Variants in FUT8 observed in about 807,000 individuals in gnomAD.
The protein encoded by FUT8 is fucosyltransferase 8.
Under a neutral mutation model 71.3 loss-of-function variants are expected in FUT8, and 29 were observed. That is an observed-to-expected ratio of 0.41 (90% confidence interval 0.30 to 0.55). FUT8 has a LOEUF of 0.55. FUT8 is among the 20% of genes least tolerant of loss of function. FUT8 has a pLI of 0.34. For missense variants in FUT8, 544 were observed against 702.1 expected (o/e 0.77, Z 2.55); for synonymous variants, 254 against 239.3 (o/e 1.06, Z -0.57).
intron 3 of FUT8, among the ~76,000 whole-genome samples, chr14:65,588,019 T>C (rs1887484292): frequency 6.6e-6 from 1 of 152,232 alleles, no homozygotes; most frequent in African/African-American, 2.4e-5. Context: ...TGAAGAAATT[T>C]GTTTTTAAAA....
chr14:65,378,830 CAAG>C, the FUT8 span, among the ~76,000 whole-genome samples: 2 of 116,794 alleles, frequency 1.7e-5, no homozygotes, highest in Non-Finnish European at 1.8e-5. Flanking sequence ...AAAAATTTCA[CAAG>C]AAGGTTTTTT....
At chr14:65,372,565 A>G in the FUT8 span, among the ~76,000 whole-genome samples, 7 of 151,620 alleles carry the variant, frequency 4.6e-5, no homozygotes, top group African/African-American at 1.7e-4. Flanking sequence ...ACAGGCGCCC[A>G]CCACCATGCC....
chr14:65,719,645 T>C (rs778102889), intron 7 of FUT8, among the ~76,000 whole-genome samples: 20 of 152,208 alleles, frequency 1.3e-4, no homozygotes, highest in Non-Finnish European at 2.4e-4. Flanking sequence ...GTTTTGGTCA[T>C]TGCAGCCATA....
At chr14:65,626,250 G>A (rs1371382254) in intron 5 of FUT8, among the ~76,000 whole-genome samples, 3 of 151,744 alleles carry the variant, frequency 2.0e-5, no homozygotes, top group Admixed American at 6.6e-5. Flanking sequence ...GCTACCACAT[G>A]TATTACTATT....
chr14:65,673,255 G>C (rs533286325), intron 7 of FUT8, among the ~76,000 whole-genome samples: 1 of 152,156 alleles, frequency 6.6e-6, no homozygotes, highest in Non-Finnish European at 1.5e-5. Context: ...TAGTCAAAGA[G>C]TTTTATTTGA....
chr14:65,643,857 A>G lies in FUT8; in HGVS notation c.597+14251A>G, dbSNP rs1890987100. On this transcript the variant is annotated intron_variant, in intron 6 of 10. Coordinates refer to ENST00000673929, the MANE Select transcript of FUT8 (RefSeq NM_001371533.1). This position sits in a 1 kb window ranked among gnomAD's most constrained non-coding sequence, Gnocchi z 4.5. ...TCTTTAATTTAGGTATATCAGCCCA[A>G]TATGTACTTGTTTTAAAGTTATTTC... 6.6e-6 allele frequency among the ~76,000 whole-genome samples: 1 copy of G among 152,220 alleles called. No individual in the cohort carries two copies. Among genetic ancestry groups the G allele is most frequent in the Non-Finnish European group, 1.5e-5 (1 of 68,022 alleles).
intron 1 of FUT8, among the ~76,000 whole-genome samples, chr14:65,447,291 CAAAA>C (rs999240365): frequency 3.7e-5 from 3 of 81,830 alleles, no homozygotes; most frequent in Middle Eastern, 7.5e-3. Flanking sequence ...GAGACTCTCT[CAAAA>C]AAAAAAAAAA....
At chr14:65,677,183 T>TGC (rs1426881139) in intron 7 of FUT8, among the ~76,000 whole-genome samples, 99 of 130,672 alleles carry the variant, frequency 7.6e-4, no homozygotes, top group Non-Finnish European at 1.3e-3. Context: ...CGTATGTGTG[T>TGC]GCGCATGTGT....
chr14:65,655,319 A>G (rs913499132), intron 6 of FUT8, among the ~76,000 whole-genome samples: 6 of 151,656 alleles, frequency 4.0e-5, no homozygotes, highest in Admixed American at 3.3e-4. Flanking sequence ...TAAAAATACA[A>G]AAACAAAATT....
chr14:65,488,325 C>G (rs1409862250), intron 2 of FUT8: 1 of 152,172 alleles, frequency 6.6e-6, no homozygotes, highest in Admixed American at 6.5e-5. Context: ...TGTGATGATC[C>G]TAGTAGAAGT....
chr14:65,385,980 C>T, the FUT8 span, among the ~76,000 whole-genome samples: 3 of 151,738 alleles, frequency 2.0e-5, no homozygotes, highest in South Asian at 2.1e-4. Flanking sequence ...GGTGAAACCC[C>T]GTCTCTACTA....
At position 65,574,059 on chromosome 14, in the gene FUT8, A is replaced by T. The variant is rs2041681977; in HGVS notation, c.203+12293A>T. Among the ~76,000 whole-genome samples the T allele has an allele frequency of 6.6e-6, 1 of 152,148 alleles. No homozygotes were observed. The highest frequency in any genetic ancestry group is 2.4e-5 in the African/African-American group (1 of 41,424). On this transcript the variant is annotated intron_variant, in intron 3 of 10. Coordinates refer to ENST00000673929, the MANE Select transcript of FUT8 (RefSeq NM_001371533.1). This position sits in a 1 kb window ranked among gnomAD's most constrained non-coding sequence, Gnocchi z 5.2. Reference sequence around the variant, plus strand: ...AGTTTATTTCAAGGCTCAATTAAAGAAGGATACAGTTCTAAAATCATGTGG... The same window carrying T: ...AGTTTATTTCAAGGCTCAATTAAAGTAGGATACAGTTCTAAAATCATGTGG...
At chr14:65,567,531 T>C (rs1050207037) in intron 3 of FUT8, among the ~76,000 whole-genome samples, 3 of 152,054 alleles carry the variant, frequency 2.0e-5, no homozygotes, top group Non-Finnish European at 2.9e-5. Flanking sequence ...CTATAACTCC[T>C]AGTCTCTCAT....
intron 2 of FUT8, among the ~76,000 whole-genome samples, chr14:65,474,382 C>A (rs909192911): frequency 6.9e-6 from 1 of 144,736 alleles, no homozygotes; most frequent in Non-Finnish European, 1.5e-5. Context: ...GCGGGCGGAT[C>A]ACTTGAGGTC....
At chr14:65,592,391 C>T (rs1252486159) in intron 3 of FUT8, among the ~76,000 whole-genome samples, 2 of 151,908 alleles carry the variant, frequency 1.3e-5, no homozygotes, top group African/African-American at 4.8e-5. Context: ...ATTGTGTTCT[C>T]TCAGAGAATA....
intron 7 of FUT8, among the ~76,000 whole-genome samples, chr14:65,707,292 G>A (rs530959079): frequency 6.6e-6 from 1 of 152,210 alleles, no homozygotes; most frequent in African/African-American, 2.4e-5. Context: ...TTGACCGTTA[G>A]TATCTCTTCT....
chr14:65,636,832 G>A (rs1286807288), intron 6 of FUT8, among the ~76,000 whole-genome samples: 1 of 152,164 alleles, frequency 6.6e-6, no homozygotes, highest in Non-Finnish European at 1.5e-5. Flanking sequence ...GTGGGACAAA[G>A]TTCATAGTTG....
the FUT8 span, among the ~76,000 whole-genome samples, chr14:65,394,646 T>G: frequency 1.3e-5 from 2 of 152,178 alleles, no homozygotes; most frequent in Non-Finnish European, 2.9e-5. Flanking sequence ...ATACAATAAG[T>G]TACAGGCATT....
chr14:65,448,116 A>G (rs1326637840), intron 1 of FUT8, among the ~76,000 whole-genome samples: 1 of 152,180 alleles, frequency 6.6e-6, no homozygotes, highest in African/African-American at 2.4e-5. Flanking sequence ...TTACCTAGTA[A>G]GAGATAGCTT....
Sources: gnomAD v4.1 joint callset for allele counts (sites outside exome capture counted in the v4.1 genomes callset) on GRCh38, gnomAD v4.1.1 for gene constraint, Gnocchi (gnomAD v3.1) non-coding constraint, MANE v1.5 for transcripts, NCBI Gene and HGNC (gene_info 2026-07-23, HGNC 2026-07-21) for gene names.